NYX: variants seen among roughly 807,000 people sequenced by gnomAD.
NYX encodes leucine-rich repeat protein.
For synonymous variants in NYX, 258 were observed against 245.7 expected, an observed-to-expected ratio of 1.05 and a Z score of -0.47; for missense variants, 481 against 485.4, an observed-to-expected ratio of 0.99 and a Z score of 0.09.
intron 2 of NYX, among the ~76,000 whole-genome samples, chrX:41,460,687 C>T (rs2064315234): frequency 9.2e-6 from 1 of 109,081 alleles, no homozygotes. Context: ...AGTGTATCCT[C>T]ACGAAACCAT....
chrX:41,457,948 A>G (rs2064304800), intron 2 of NYX, among the ~76,000 whole-genome samples: 1 of 111,390 alleles, frequency 9.0e-6, no homozygotes, highest in African/African-American at 3.3e-5. Flanking sequence ...ATTTATAAAG[A>G]ACAGATATTT....
chrX:41,456,477 T>C (rs752115042), intron 2 of NYX, among the ~76,000 whole-genome samples: 2 of 111,870 alleles, frequency 1.8e-5, no homozygotes, highest in Non-Finnish European at 1.9e-5. Flanking sequence ...TTCTCAGGCT[T>C]CCTACTAGAG....
chrX:41,467,824 A>AT (rs1417842251), intron 2 of NYX, among the ~76,000 whole-genome samples: 1 of 109,185 alleles, frequency 9.2e-6, no homozygotes, highest in Non-Finnish European at 1.9e-5. Context: ...TGCATGGCTA[A>AT]TTTTTTTATT....
chrX:41,455,892 T>G (rs2064297314), intron 2 of NYX, among the ~76,000 whole-genome samples: 2 of 112,111 alleles, frequency 1.8e-5, no homozygotes, highest in African/African-American at 6.5e-5. Context: ...TGGGAGAGGC[T>G]ATTTTTTCAT....
chrX:41,462,509 G>A (rs1417375782), intron 2 of NYX, among the ~76,000 whole-genome samples: 2 of 111,818 alleles, frequency 1.8e-5, no homozygotes, highest in Non-Finnish European at 3.8e-5. Flanking sequence ...CATAAACTGG[G>A]TGGCTTATAA....
At chrX:41,472,705 C>T (rs1298291043) in intron 2 of NYX, 2 of 344,214 alleles carry the variant, frequency 5.8e-6, no homozygotes, top group Non-Finnish European at 1.0e-5. Flanking sequence ...CCGCCGGCAC[C>T]CCGCAGTAGA....
chrX:41,466,620 C>T (rs1159450734), intron 2 of NYX, among the ~76,000 whole-genome samples: 7 of 99,770 alleles, frequency 7.0e-5, no homozygotes, highest in Non-Finnish European at 1.0e-4. Context: ...AGTGTAATGG[C>T]GTGAACCTGG....
rs745395959 is a variant in NYX, at chrX:41,450,828, ATTTTTTTTTT to A, written c.22+2920_22+2929del. ...ACCTGGCTAATATATATATATATAT[ATTTTTTTTTT>A]TTTTTTTTTTTTTTTTTGGGTATTT... On this transcript the variant is annotated intron_variant, in intron 2 of 2. Coordinates refer to ENST00000378220, the MANE Select transcript of NYX (RefSeq NM_001378477.3). 8.3e-3 allele frequency among the ~76,000 whole-genome samples: 564 copies of A among 68,196 alleles called. 5 individuals are homozygous for A. The highest frequency in any genetic ancestry group is 0.031 in the African/African-American group (514 of 16,747). 59.2% of individuals were successfully genotyped at this position (68,196 alleles called of 115,157 possible).
At position 41,474,708 on chromosome X, in the gene NYX, A is replaced by G. The variant is rs1407500588; in HGVS notation, c.1240A>G (p.Lys414Glu). The change falls in exon 3 of 3, where the codon AAG becomes GAG. Residue 414 changes from lysine (K) to glutamate (E), a missense_variant. Physicochemically the swap from Lys to Glu is moderately conservative, Grantham distance 56 (BLOSUM62 1). Transcript: ENST00000378220. ...TVSRFSSLLSKLLAPRVPVEE... is the reference protein window; with the variant it reads ...TVSRFSSLLSELLAPRVPVEE... ...GAGCAGGTTCAGCAGCCTCCTCTCC[A>G]AGCTGCTGGCCCCGAGGGTCCCGGT... 3 of 1,196,193 alleles carry G rather than the reference A, an allele frequency of 2.5e-6. No individual in the cohort carries two copies. The highest frequency in any genetic ancestry group is 3.4e-6 in the Non-Finnish European group (3 of 889,516).
intron 2 of NYX, among the ~76,000 whole-genome samples, chrX:41,449,870 C>T (rs1379354061): frequency 8.9e-6 from 1 of 111,764 alleles, no homozygotes; most frequent in Non-Finnish European, 1.9e-5. Flanking sequence ...TTAAAACACA[C>T]TCTAGCAAGC....
In NYX at chrX:41,473,856, A is replaced by G; in HGVS notation, c.388A>G (p.Ser130Gly). The change falls in exon 3 of 3, where the codon AGC (serine) becomes GGC (glycine). Residue 130 changes from serine (S) to glycine (G), a missense_variant. Coordinates refer to ENST00000378220, the MANE Select transcript of NYX (RefSeq NM_001378477.3). ...YLHARTFAAL[S>G]RLRRLDLAAC... ...GCACGCGCGCACCTTCGCGGCGCTC[A>G]GCCGCCTGCGCCGCCTAGACCTAGC... 1 of 1,105,203 alleles carries G rather than the reference A, an allele frequency of 9.0e-7. No individual in the cohort carries two copies. Among genetic ancestry groups the G allele is most frequent in the Non-Finnish European group, 1.2e-6 (1 of 850,307 alleles). 91.1% of individuals were successfully genotyped at this position (1,105,203 alleles called of 1,213,427 possible).
chrX:41,452,596 C>G (rs956393995), intron 2 of NYX, among the ~76,000 whole-genome samples: 1 of 111,341 alleles, frequency 9.0e-6, no homozygotes, highest in African/African-American at 3.3e-5. Context: ...CCCCTATTGT[C>G]GGGTGTTTGT....
Position 41,474,898 on chromosome X carries a change from G to T in NYX, c.1430G>T (p.Ter477LeuextTer13). 8.4e-7 allele frequency: 1 copy of T among 1,196,636 alleles called. No individual in the cohort carries two copies. The highest frequency in any genetic ancestry group is 1.1e-6 in the Non-Finnish European group (1 of 886,739). The change falls in exon 3 of 3, where the codon TGA (stop) becomes TTA (leucine). Residue 477 changes from the stop codon to leucine (L), a stop_lost. Coordinates refer to ENST00000378220, the MANE Select transcript of NYX (RefSeq NM_001378477.3). ...QHVVFGLQMD[*>L] Reference sequence around the variant, plus strand: ...GTGGTGTTTGGCCTGCAGATGGACTGACCTGGCCAGAGGGGGGAAAGTTTG... The same window carrying T: ...GTGGTGTTTGGCCTGCAGATGGACTTACCTGGCCAGAGGGGGGAAAGTTTG...
chrX:41,466,161 G>A (rs1242258267), intron 2 of NYX, among the ~76,000 whole-genome samples: 1 of 112,020 alleles, frequency 8.9e-6, no homozygotes, highest in African/African-American at 3.2e-5. Flanking sequence ...CGGGCCCAGA[G>A]GCTCACGCCT....
Position 41,474,627 on chromosome X carries a change from C to G in NYX, c.1159C>G (p.Leu387Val). The G allele has an allele frequency of 8.3e-7, 1 of 1,200,185 alleles. No individual in the cohort carries two copies. The highest frequency in any genetic ancestry group is 3.0e-5 in the East Asian group (1 of 33,393). Residue 387 changes from leucine (L) to valine (V), a missense_variant, in exon 3 of 3, where the codon CTG becomes GTG. Physicochemically the swap from Leu to Val is conservative, Grantham distance 32. Coordinates refer to ENST00000378220, the MANE Select transcript of NYX (RefSeq NM_001378477.3). ...SDGLCVDPEE[L>V]NLTTSSPGPS... The stretch of plus-strand genomic sequence containing the variant: ...TGGCCTCTGTGTGGACCCCGAGGAG[C>G]TGAACCTCACCACGTCCAGTCCAGG...
intron 2 of NYX, among the ~76,000 whole-genome samples, chrX:41,462,035 C>T (rs2064322100): frequency 9.0e-6 from 1 of 111,412 alleles, no homozygotes; most frequent in Non-Finnish European, 1.9e-5. Flanking sequence ...CTCCTGACCT[C>T]GTGATCCACC....
chrX:41,474,562 G>A lies in NYX; in HGVS notation c.1094G>A (p.Gly365Asp). Residue 365 changes from glycine (G) to aspartate (D), a missense_variant, in exon 3 of 3, where the codon GGC becomes GAC. By Grantham distance (94) the Gly-to-Asp change is moderately conservative (BLOSUM62 -1). Transcript: ENST00000378220. Reference sequence around the variant, plus strand: ...TGCGCCTCCCCGGGCTCCGTGGCCGGCCTGGACCTCAGCCAGGTGACCTTC... The same window carrying A: ...TGCGCCTCCCCGGGCTCCGTGGCCGACCTGGACCTCAGCCAGGTGACCTTC... ...VPCASPGSVA[G>D]LDLSQVTFGR... is the part of the protein sequence containing the mutation. 8.4e-7 allele frequency: 1 copy of A among 1,197,065 alleles called. No homozygotes were observed. The highest frequency in any genetic ancestry group is 1.1e-6 in the Non-Finnish European group (1 of 889,141).
intron 2 of NYX, among the ~76,000 whole-genome samples, chrX:41,461,334 T>G (rs933414089): frequency 3.7e-5 from 4 of 108,596 alleles, no homozygotes; most frequent in Admixed American, 1.0e-4. Flanking sequence ...TCCAGGTTGC[T>G]GCGAATGCCA....
intron 2 of NYX, 97 bp downstream of exon 2, chrX:41,448,023 G>A (rs1341756249): frequency 5.9e-6 from 5 of 854,378 alleles, no homozygotes; most frequent in Non-Finnish European, 8.6e-6. Context: ...CTGGGACAGC[G>A]GTATCTGGAC....
Sources: allele counts gnomAD v4.1 joint callset (sites outside exome capture counted in the v4.1 genomes callset), GRCh38; gene constraint gnomAD v4.1.1; transcripts MANE v1.5; gene names NCBI Gene and HGNC (gene_info 2026-07-23, HGNC 2026-07-21).